Variants in NFIC observed in about 807,000 individuals in gnomAD.
NFIC encodes the protein nuclear factor 1 C-type.
In NFIC, 12 loss-of-function variants were observed where a neutral mutation model predicts 54.4. That is an observed-to-expected ratio of 0.22 (90% CI 0.14 to 0.36). The LOEUF (loss-of-function observed/expected upper bound fraction) is 0.36, where lower values mean the gene tolerates loss of function less well. NFIC is among the 10% of genes least tolerant of loss of function. NFIC has a pLI of 1.00. For missense variants in NFIC, 575 were observed against 718.2 expected (o/e 0.80, Z 2.28); for synonymous variants, 322 against 319.2 (o/e 1.01, Z -0.09).
At chr19:3,457,493 G>A (rs34533691) in intron 10 of NFIC, among the ~76,000 whole-genome samples, 6,594 of 152,198 alleles carry the variant, frequency 0.043, 309 homozygotes, top group African/African-American at 0.11. Context: ...GTGTGAGCGC[G>A]TCTTCGGGTT....
intron 1 of NFIC, chr19:3,359,731 G>A: frequency 7.1e-7 from 1 of 1,408,142 alleles, no homozygotes; most frequent in East Asian, 3.1e-5. Context: ...GACTTTTTGG[G>A]GTGGTGCGTG....
rs554165628 is a variant in NFIC at position 3,403,410 on chromosome 19, A to G, written c.562+21167A>G. Reference sequence around the variant, plus strand: ...CGTTTCCCCCTTTGTAAAGCAGAACACTCCACAATCTGATGTGTTTACAAC... The same window carrying G: ...CGTTTCCCCCTTTGTAAAGCAGAACGCTCCACAATCTGATGTGTTTACAAC... On this transcript the variant is annotated intron_variant, in intron 2 of 10. Coordinates refer to ENST00000443272, the MANE Select transcript of NFIC (RefSeq NM_001245002.2). 2.2e-3 allele frequency among the ~76,000 whole-genome samples: 329 copies of G among 152,038 alleles called. 6 individuals are homozygous for G. Among genetic ancestry groups the G allele is most frequent in the East Asian group, 2.9e-3 (15 of 5,158 alleles).
At position 3,370,109 on chromosome 19, in the gene NFIC, G is replaced by T. The variant is rs1009650042; in HGVS notation, c.30+3443G>T. 2.0e-5 allele frequency among the ~76,000 whole-genome samples: 3 copies of T among 152,182 alleles called. No individual in the cohort carries two copies. Among genetic ancestry groups the T allele is most frequent in the Admixed American group, 2.0e-4 (3 of 15,286 alleles). On this transcript the variant is annotated intron_variant, in intron 1 of 10. Transcript: ENST00000443272. The surrounding 1 kb of genome is among the most constrained non-coding windows in gnomAD (Gnocchi z 5.2). ...AGTGTAGGTTCTTAGAGGGAGCTTG[G>T]GGGGTGCCTACCAGGAGCAGGGGGC... is the stretch of plus-strand genomic sequence containing the variant.
chr19:3,374,513 T>C (rs1277455789), intron 1 of NFIC, among the ~76,000 whole-genome samples: 1 of 152,146 alleles, frequency 6.6e-6, no homozygotes, highest in African/African-American at 2.4e-5. Context: ...GACCTTACTG[T>C]CACCCAGCCA....
chr19:3,414,238 G>A (rs1229236677), intron 2 of NFIC, among the ~76,000 whole-genome samples: 4 of 152,076 alleles, frequency 2.6e-5, no homozygotes, highest in East Asian at 1.9e-4. Context: ...AACATTTTAG[G>A]CTTTTAGGCA....
chr19:3,449,178 C>A (rs1396675091), intron 7 of NFIC, 39 bp downstream of exon 7: 1 of 1,594,784 alleles, frequency 6.3e-7, no homozygotes, highest in Non-Finnish European at 8.5e-7. Flanking sequence ...GGGCGGCGGG[C>A]CCTCCTATCA....
Position 3,464,171 on chromosome 19 carries a change from G to A in NFIC, c.*1402G>A, listed in dbSNP as rs942289161. The stretch of plus-strand genomic sequence containing the variant: ...GGGGACCGCCGTTTGCACTTTCATC[G>A]CCTACCCCGACGCGGGGCCCAGCTG... On this transcript the variant is annotated 3_prime_UTR_variant, in exon 11 of 11. Coordinates refer to ENST00000443272, the MANE Select transcript of NFIC (RefSeq NM_001245002.2). 5.1e-6 allele frequency: 5 copies of A among 984,018 alleles called. No individual in the cohort carries two copies. The highest frequency in any genetic ancestry group is 4.7e-5 in the South Asian group (1 of 21,292). 61.0% of individuals were successfully genotyped at this position (984,018 alleles called of 1,614,324 possible).
intron 6 of NFIC, among the ~76,000 whole-genome samples, chr19:3,446,703 T>C (rs529923877): frequency 1.2e-4 from 19 of 152,332 alleles, no homozygotes; most frequent in African/African-American, 4.6e-4. Flanking sequence ...ACTGCATTTC[T>C]CAGGCAAGAT....
chr19:3,419,692 A>C (rs533656418), intron 2 of NFIC, among the ~76,000 whole-genome samples: 2 of 151,940 alleles, frequency 1.3e-5, no homozygotes, highest in Admixed American at 6.6e-5. Context: ...TCAGCTACTT[A>C]GGAGGCTCAG....
chr19:3,415,072 T>C (rs1418981404), intron 2 of NFIC, among the ~76,000 whole-genome samples: 1 of 152,052 alleles, frequency 6.6e-6, no homozygotes, highest in Non-Finnish European at 1.5e-5. Flanking sequence ...AATGCTGATC[T>C]CATGTGATCC....
At chr19:3,362,994 G>A (rs1455470165), upstream of NFIC, among the ~76,000 whole-genome samples, 1 of 151,896 alleles carries the variant, frequency 6.6e-6, no homozygotes, top group African/African-American at 2.4e-5. Context: ...AGCCATTAGT[G>A]ATCATATGAA....
intron 6 of NFIC, among the ~76,000 whole-genome samples, chr19:3,439,979 C>T (rs1282382895): frequency 6.6e-6 from 1 of 152,094 alleles, no homozygotes; most frequent in Non-Finnish European, 1.5e-5. Context: ...TGAGCCACCG[C>T]GCCCGGCCAA....
intron 2 of NFIC, among the ~76,000 whole-genome samples, chr19:3,410,048 T>C (rs915873609): frequency 1.3e-5 from 2 of 152,042 alleles, no homozygotes; most frequent in African/African-American, 4.8e-5. Flanking sequence ...TCTCTACTTT[T>C]TTTTTTTCCT....
At chr19:3,444,067 A>G (rs1288818338) in intron 6 of NFIC, among the ~76,000 whole-genome samples, 1 of 150,490 alleles carries the variant, frequency 6.6e-6, no homozygotes, top group African/African-American at 2.4e-5. Flanking sequence ...GAGCAAACAA[A>G]TGGCTGCTCC....
At position 3,453,943 on chromosome 19, in the gene NFIC, G is replaced by A. The variant is rs2082510935; in HGVS notation, c.1423+27G>A. On this transcript the variant is annotated intron_variant, in intron 9 of 10. Coordinates refer to ENST00000443272, the MANE Select transcript of NFIC (RefSeq NM_001245002.2). The surrounding 1 kb of genome is among the most constrained non-coding windows in gnomAD (Gnocchi z 6.7). Reference sequence around the variant, plus strand: ...TAAGCACGCGGGAAGCGGTGCCCTGGTGGGGCGGATGTCCGCAGGGGGGCC... The same window carrying A: ...TAAGCACGCGGGAAGCGGTGCCCTGATGGGGCGGATGTCCGCAGGGGGGCC... 6.7e-7 allele frequency: 1 copy of A among 1,502,494 alleles called. No individual in the cohort carries two copies. Among genetic ancestry groups the A allele is most frequent in the Non-Finnish European group, 8.9e-7 (1 of 1,128,790 alleles). 93.1% of individuals were successfully genotyped at this position (1,502,494 alleles called of 1,614,324 possible).
At chr19:3,416,356 A>G (rs1415564931) in intron 2 of NFIC, among the ~76,000 whole-genome samples, 1 of 149,748 alleles carries the variant, frequency 6.7e-6, no homozygotes, top group Non-Finnish European at 1.5e-5. Context: ...GTATAACTAT[A>G]TGTCATATAG....
intron 9 of NFIC, chr19:3,454,397 C>A: frequency 4.6e-6 from 2 of 432,938 alleles, no homozygotes; most frequent in Non-Finnish European, 6.2e-6. Context: ...CTACACCAGG[C>A]CCAGTTCCTT....
intron 3 of NFIC, among the ~76,000 whole-genome samples, chr19:3,433,204 T>A (rs4807467): frequency 0.31 from 46,426 of 151,450 alleles, 8,303 homozygotes; most frequent in East Asian, 0.63. Context: ...AGCTCAAGCG[T>A]TCCTCCTGCC....
At chr19:3,447,014 C>T (rs2082382536) in intron 6 of NFIC, among the ~76,000 whole-genome samples, 1 of 151,226 alleles carries the variant, frequency 6.6e-6, no homozygotes, top group Admixed American at 6.6e-5. Context: ...TGACAAATAA[C>T]TCGGCTGGGT....
Sources: allele counts gnomAD v4.1 joint callset (sites outside exome capture counted in the v4.1 genomes callset), GRCh38; gene constraint gnomAD v4.1.1; non-coding constraint Gnocchi (gnomAD v3.1); transcripts MANE v1.5; gene names NCBI Gene and HGNC (gene_info 2026-07-23, HGNC 2026-07-21).